The following GALNT13 variants were observed in gnomAD, a reference collection of about 807,000 sequenced individuals.
GALNT13 encodes the protein UDP-GalNAc:polypeptide N-acetylgalactosaminyltransferase 13.
In GALNT13, 28 loss-of-function variants were observed where a neutral mutation model predicts 64.2. That is an observed-to-expected ratio of 0.44 (90% CI 0.32 to 0.60). GALNT13 has a LOEUF of 0.60. GALNT13 is among the 20% of genes least tolerant of loss of function. The pLI is 0.05. For synonymous variants in GALNT13, 214 were observed against 224.6 expected, an observed-to-expected ratio of 0.95 and a Z score of 0.42; for missense variants, 577 against 669.8, an observed-to-expected ratio of 0.86 and a Z score of 1.53.
chr2:153,646,957 A>G, the GALNT13 span, among the ~76,000 whole-genome samples: 1 of 152,154 alleles, frequency 6.6e-6, no homozygotes, highest in Non-Finnish European at 1.5e-5. Context: ...AGCATGATTT[A>G]TATTCCTTTG....
chr2:153,839,742 T>C, the GALNT13 span, among the ~76,000 whole-genome samples: 2 of 151,958 alleles, frequency 1.3e-5, no homozygotes, highest in Non-Finnish European at 2.9e-5. Flanking sequence ...TTTTTAATCA[T>C]TGGTACAATT....
At chr2:153,478,496 C>T in the GALNT13 span, 3 of 1,611,282 alleles carry the variant, frequency 1.9e-6, no homozygotes, top group South Asian at 2.2e-5. Flanking sequence ...ACGGCTCGCT[C>T]CAGCGCCTCG....
chr2:153,985,205 T>A (rs529199842), intron 3 of GALNT13, among the ~76,000 whole-genome samples: 1 of 152,160 alleles, frequency 6.6e-6, no homozygotes, highest in African/African-American at 2.4e-5. Context: ...AAACTAAATA[T>A]GCCTATTATT....
At chr2:153,418,397 TG>T in the GALNT13 span, among the ~76,000 whole-genome samples, 1 of 152,114 alleles carries the variant, frequency 6.6e-6, no homozygotes, top group Non-Finnish European at 1.5e-5. Flanking sequence ...CCACTAAGTT[TG>T]TTGTAATTTG....
At chr2:153,288,455 C>T in the GALNT13 span, among the ~76,000 whole-genome samples, 3 of 152,106 alleles carry the variant, frequency 2.0e-5, no homozygotes, top group Admixed American at 6.5e-5. Context: ...AATTGGACAC[C>T]ATTCTGAGTA....
chr2:153,266,881 A>G, the GALNT13 span, among the ~76,000 whole-genome samples: 3 of 152,168 alleles, frequency 2.0e-5, no homozygotes, highest in African/African-American at 4.8e-5. Flanking sequence ...TCATTCCAGC[A>G]TTACCCCAAA....
intron 11 of GALNT13, among the ~76,000 whole-genome samples, chr2:154,420,410 C>G (rs1178993196): frequency 2.0e-5 from 3 of 152,258 alleles, no homozygotes; most frequent in Middle Eastern, 3.4e-3. Context: ...CCTGTGTACT[C>G]TTTAATCTTC....
At chr2:154,281,614 C>T (rs1691965213) in intron 8 of GALNT13, among the ~76,000 whole-genome samples, 1 of 152,068 alleles carries the variant, frequency 6.6e-6, no homozygotes, top group Non-Finnish European at 1.5e-5. Context: ...TTTTGAGCTG[C>T]TAGGAATGGG....
intron 10 of GALNT13, among the ~76,000 whole-genome samples, chr2:154,396,351 A>G (rs1187537991): frequency 6.6e-6 from 1 of 152,120 alleles, no homozygotes; most frequent in African/African-American, 2.4e-5. Context: ...AATTTTTTTA[A>G]CAGTTCTAAA....
At chr2:153,667,268 T>G in the GALNT13 span, among the ~76,000 whole-genome samples, 1 of 152,030 alleles carries the variant, frequency 6.6e-6, no homozygotes, top group African/African-American at 2.4e-5. Context: ...ACATTCAAAG[T>G]CAGAAAATTC....
chr2:153,335,047 T>C, the GALNT13 span, among the ~76,000 whole-genome samples: 1 of 152,220 alleles, frequency 6.6e-6, no homozygotes, highest in East Asian at 1.9e-4. Flanking sequence ...ATCAGGGGTT[T>C]CCGCTTTTGC....
the GALNT13 span, among the ~76,000 whole-genome samples, chr2:153,861,925 T>C: frequency 6.6e-6 from 1 of 152,264 alleles, no homozygotes; most frequent in South Asian, 2.1e-4. Context: ...AGGTCTTATA[T>C]CAATTTTTAA....
At chr2:153,827,453 C>G in the GALNT13 span, among the ~76,000 whole-genome samples, 1 of 152,020 alleles carries the variant, frequency 6.6e-6, no homozygotes, top group African/African-American at 2.4e-5. Context: ...GAAATGCTGT[C>G]TCTACTACAA....
At chr2:153,618,594 G>T in the GALNT13 span, among the ~76,000 whole-genome samples, 1 of 151,850 alleles carries the variant, frequency 6.6e-6, no homozygotes. Context: ...CTGTCTGGAA[G>T]ATCTGTCCAA....
the GALNT13 span, among the ~76,000 whole-genome samples, chr2:153,713,231 A>C: frequency 6.6e-6 from 1 of 152,290 alleles, no homozygotes; most frequent in Non-Finnish European, 1.5e-5. Flanking sequence ...TAAAAGATAA[A>C]ATACATTATA....
the GALNT13 span, among the ~76,000 whole-genome samples, chr2:153,384,456 T>C: frequency 6.6e-6 from 1 of 152,016 alleles, no homozygotes; most frequent in Non-Finnish European, 1.5e-5. Context: ...AGCTGGGTGC[T>C]TTAATGGGAC....
intron 3 of GALNT13, among the ~76,000 whole-genome samples, chr2:153,989,230 A>G (rs763195953): frequency 4.6e-5 from 7 of 151,928 alleles, no homozygotes; most frequent in Non-Finnish European, 8.8e-5. Flanking sequence ...GGCCTATATA[A>G]TCTAGAATCA....
the GALNT13 span, among the ~76,000 whole-genome samples, chr2:153,702,385 A>G: frequency 1.8e-4 from 27 of 152,226 alleles, no homozygotes; most frequent in South Asian, 1.7e-3. Flanking sequence ...TGATGGGTTA[A>G]TAGGTGCAGC....
chr2:154,102,789 T>C lies in GALNT13; in HGVS notation c.143-37548T>C, dbSNP rs1702417176. 6.6e-5 allele frequency among the ~76,000 whole-genome samples: 10 copies of C among 152,310 alleles called. No individual in the cohort carries two copies. The South Asian group carries it at 2.1e-3, about 32-fold the overall frequency. On this transcript the variant is annotated intron_variant, in intron 3 of 12. Transcript: ENST00000392825. The stretch of plus-strand genomic sequence containing the variant: ...GTCTCTTTTCTTAAGTTTCGTAATA[T>C]TTGTTTTATGAATCTGAGTGCTTGG...
Sources: gnomAD v4.1 joint callset for allele counts (sites outside exome capture counted in the v4.1 genomes callset) on GRCh38, gnomAD v4.1.1 for gene constraint, MANE v1.5 for transcripts, NCBI Gene and HGNC (gene_info 2026-07-23, HGNC 2026-07-21) for gene names.